The following GIT1 variants were observed in gnomAD, a reference collection of about 807,000 sequenced individuals.
GIT1 encodes the protein ARF GTPase-activating protein GIT1.
In GIT1, 14 loss-of-function variants were observed where a neutral mutation model predicts 91.7. That is an observed-to-expected ratio of 0.15 (90% CI 0.10 to 0.24). GIT1 has a LOEUF of 0.24. GIT1 is among the 10% of genes least tolerant of loss of function. The probability of loss-of-function intolerance (pLI) is 1.00; values close to 1 mark genes in which losing one functional copy is unlikely to be tolerated. For missense variants in GIT1, 717 were observed against 1,024.9 expected, an observed-to-expected ratio of 0.70 and a Z score of 4.10; for synonymous variants, 414 against 418.2, an observed-to-expected ratio of 0.99 and a Z score of 0.12.
rs746639574 is a variant in GIT1 at position 29,575,230 on chromosome 17, C to T, written c.2009+58G>A. On this transcript the variant is annotated intron_variant, in intron 18 of 19. Coordinates refer to ENST00000225394, the MANE Select transcript of GIT1 (RefSeq NM_014030.4). This position sits in a 1 kb window ranked among gnomAD's most constrained non-coding sequence, Gnocchi z 5.5. ...AACCCAGGGCCCCTCATGCTCTCTG[C>T]AACACCCTAGAAGCCAACAGGAACT... 1.8e-5 allele frequency: 29 copies of T among 1,568,156 alleles called. No individual in the cohort carries two copies. Among genetic ancestry groups the T allele is most frequent in the Non-Finnish European group, 2.2e-5 (25 of 1,150,042 alleles).
At position 29,575,886 on chromosome 17, in the gene GIT1, C is replaced by T. The variant is rs764051634; in HGVS notation, c.1678G>A (p.Val560Met). 1.9e-6 allele frequency: 3 copies of T among 1,608,678 alleles called. No homozygotes were observed. The highest frequency in any genetic ancestry group is 1.7e-6 in the Non-Finnish European group (2 of 1,177,440). The part of the protein sequence containing the change: ...PAGLYRIRKG[V>M]SASAVPFTPS... Reference sequence around the variant, plus strand: ...GTGAAGGGCACAGCTGAGGCAGACACCCCTTTCCGGATCTGAAACCCAGGG... The same window carrying T: ...GTGAAGGGCACAGCTGAGGCAGACATCCCTTTCCGGATCTGAAACCCAGGG... The change falls in exon 16 of 20, where the codon GTG (valine) becomes ATG (methionine). Residue 560 changes from valine to methionine, a missense_variant. By Grantham distance (21) the Val-to-Met change is conservative. Coordinates refer to ENST00000225394, the MANE Select transcript of GIT1 (RefSeq NM_014030.4). This position sits in a 1 kb window ranked among gnomAD's most constrained non-coding sequence, Gnocchi z 5.5.
At chr17:29,583,326 G>A (rs1378278338) in intron 2 of GIT1, among the ~76,000 whole-genome samples, 157 bp downstream of exon 2, 1 of 152,174 alleles carries the variant, frequency 6.6e-6, no homozygotes, top group Non-Finnish European at 1.5e-5. Flanking sequence ...GAGTAGATGG[G>A]AGGAAAGGGT....
intron 8 of GIT1, 100 bp downstream of exon 8, chr17:29,578,630 GA>G: frequency 1.8e-6 from 2 of 1,123,628 alleles, no homozygotes; most frequent in Non-Finnish European, 2.7e-6. Flanking sequence ...CAAAGACTTG[GA>G]AAAGGTCATC....
chr17:29,582,553 C>A, intron 4 of GIT1, 145 bp downstream of exon 4: 1 of 633,506 alleles, frequency 1.6e-6, no homozygotes, highest in Non-Finnish European at 2.8e-6. Flanking sequence ...ACCCAACAAT[C>A]TGCTCTCTCC....
chr17:29,581,897 C>G lies in GIT1; in HGVS notation c.623+30G>C. 1 of 1,606,116 alleles carries G rather than the reference C, an allele frequency of 6.2e-7. No individual in the cohort carries two copies. The highest frequency in any genetic ancestry group is 8.5e-7 in the Non-Finnish European group (1 of 1,173,994). On this transcript the variant is annotated intron_variant, in intron 5 of 19. Transcript: ENST00000225394. The surrounding 1 kb of genome is among the most constrained non-coding windows in gnomAD (Gnocchi z 4.8). The stretch of plus-strand genomic sequence containing the variant: ...CAGCCCTCACCCACACCCCCACCCA[C>G]CCACACTGCACCCTTCAGCCGACCC...
Position 29,574,846 on chromosome 17 carries a change from A to G in GIT1, c.2142T>C (p.Ser714=). ...LLNASAYRLQ[S]ECRKTVPPEP... is the part of the protein sequence containing the mutation. ...CTGGGGGCACTGTCTTCCGGCACTC[A>G]CTCTGCAGCCGGTAGGCGCTGGCGT... Residue 714 remains serine (S), a synonymous_variant, in exon 20 of 20, where the codon AGT becomes AGC. Coordinates refer to ENST00000225394, the MANE Select transcript of GIT1 (RefSeq NM_014030.4). 6.2e-7 allele frequency: 1 copy of G among 1,602,334 alleles called. No homozygotes were observed. The highest frequency in any genetic ancestry group is 8.5e-7 in the Non-Finnish European group (1 of 1,176,958).
At position 29,581,831 on chromosome 17, in the gene GIT1, G is replaced by A. The variant is rs779980624; in HGVS notation, c.629C>T (p.Ala210Val). 1.1e-5 allele frequency: 18 copies of A among 1,611,808 alleles called. No individual in the cohort carries two copies. The highest frequency in any genetic ancestry group is 2.2e-5 in the East Asian group (1 of 44,866). The change falls in exon 6 of 20, where the codon GCG (alanine) becomes GTG (valine). Residue 210 changes from alanine (A) to valine (V), a missense_variant. This residue lies in a region of GIT1 where 271 missense variants were observed against 451.6 expected (regional missense o/e 0.60). Transcript: ENST00000225394. This position sits in a 1 kb window ranked among gnomAD's most constrained non-coding sequence, Gnocchi z 4.8. ...GRTPIDYARQ[A>V]GHHELAERLV... ...CCTTTCCGCCAGCTCATGGTGCCCC[G>A]CCTGCCTGTGAGGAGGGGGTATGGC...
chr17:29,583,489 C>T lies in GIT1; in HGVS notation c.180G>A (p.Leu60=). The T allele has an allele frequency of 1.2e-6, 2 of 1,611,992 alleles. No homozygotes were observed. Among genetic ancestry groups the T allele is most frequent in the Non-Finnish European group, 1.7e-6 (2 of 1,179,870 alleles). ...HLRHSAWPPT[L]LQMVHTLASN... is the part of the protein sequence containing the mutation. ...ACCCGACTGAGCCCTGTACCTGCAG[C>T]AGCGTGGGAGGCCAGGCGCTGTGGC... Residue 60 remains leucine (L), a synonymous_variant, in exon 2 of 20, where the codon CTG becomes CTA. Transcript: ENST00000225394.
Position 29,576,558 on chromosome 17 carries a change from A to G in GIT1, c.1344T>C (p.Ser448=). 1 of 1,613,882 alleles carries G rather than the reference A, an allele frequency of 6.2e-7. No homozygotes were observed. Among genetic ancestry groups the G allele is most frequent in the Non-Finnish European group, 8.5e-7 (1 of 1,179,966 alleles). Residue 448 remains serine, a synonymous_variant, in exon 13 of 20, where the codon AGT becomes AGC. Coordinates refer to ENST00000225394, the MANE Select transcript of GIT1 (RefSeq NM_014030.4). ...GCCTCCGGAGCTCGTCGCTCAGGCT[A>G]CTGTTGACCTTCATGAGCTGCTGCA... ...AKVQQLMKVN[S]SLSDELRRLQ...
chr17:29,577,820 C>T (rs1202872396), intron 9 of GIT1, 78 bp from the exon 10 acceptor site: 2 of 866,836 alleles, frequency 2.3e-6, no homozygotes, highest in Non-Finnish European at 3.9e-6. Flanking sequence ...CTGAGCCCAG[C>T]CTTCCTAGCT....
rs1179133747 is a variant in GIT1 at position 29,589,313 on chromosome 17, C to T, written c.52+14G>A. 4 of 1,030,464 alleles carry T rather than the reference C, an allele frequency of 3.9e-6. No homozygotes were observed. Among genetic ancestry groups the T allele is most frequent in the South Asian group, 7.3e-5 (2 of 27,500 alleles). The allele number at this position is 1,030,464 out of a possible 1,614,324, so 63.8% of individuals were successfully genotyped here. A position where few individuals can be genotyped will look rare whatever the true frequency, so the allele number is the denominator to read the frequency against. ...CTGGCTGTGCGGTCCCGCCCCCGGCCCCGCCGCGCTTACCCGGGGCGCTGC... is the reference window on the plus strand; with the variant it reads ...CTGGCTGTGCGGTCCCGCCCCCGGCTCCGCCGCGCTTACCCGGGGCGCTGC... On this transcript the variant is annotated intron_variant, in intron 1 of 19. Transcript: ENST00000225394. This position sits in a 1 kb window ranked among gnomAD's most constrained non-coding sequence, Gnocchi z 5.2.
In GIT1 at chr17:29,575,254, C is replaced by A; in HGVS notation, c.2009+34G>T. Reference sequence around the variant, plus strand: ...GCAACACCCTAGAAGCCAACAGGAACTGCATCCCCCTCACCTCCCCCTCCA... The same window carrying A: ...GCAACACCCTAGAAGCCAACAGGAAATGCATCCCCCTCACCTCCCCCTCCA... On this transcript the variant is annotated intron_variant, in intron 18 of 19. Coordinates refer to ENST00000225394, the MANE Select transcript of GIT1 (RefSeq NM_014030.4). The surrounding 1 kb of genome is among the most constrained non-coding windows in gnomAD (Gnocchi z 5.5). The A allele has an allele frequency of 6.3e-7, 1 of 1,588,338 alleles. No individual in the cohort carries two copies. The highest frequency in any genetic ancestry group is 1.1e-5 in the South Asian group (1 of 88,186).
chr17:29,576,441 G>C lies in GIT1; in HGVS notation c.1390C>G (p.Leu464Val), dbSNP rs1371353324. The change falls in exon 14 of 20, where the codon CTG (leucine) becomes GTG (valine). Residue 464 changes from leucine to valine, a missense_variant. Leu to Val is a conservative substitution (Grantham distance 32). Around this residue, in one of 3 missense-constraint regions of GIT1, gnomAD observed 312 missense variants for 349.5 expected, o/e 0.89. Transcript: ENST00000225394. ...LRRLQREIHK[L>V]QAENLQLRQP... The stretch of plus-strand genomic sequence containing the variant: ...CGGAGCTGCAGGTTCTCCGCCTGCA[G>C]CTTGTGGATCTATGGGTGCAAAGTG... 6.2e-7 allele frequency: 1 copy of C among 1,612,652 alleles called. No individual in the cohort carries two copies. The highest frequency in any genetic ancestry group is 8.5e-7 in the Non-Finnish European group (1 of 1,179,470).
chr17:29,582,194 TCCC>T, intron 4 of GIT1, 50 bp from the exon 5 acceptor site: 1 of 1,369,742 alleles, frequency 7.3e-7, no homozygotes, highest in Non-Finnish European at 1.0e-6. Context: ...GAGGCGCACC[TCCC>T]CACCCACAAG....
At chr17:29,579,695 C>T (rs2033332454) in intron 7 of GIT1, among the ~76,000 whole-genome samples, 2 of 151,968 alleles carry the variant, frequency 1.3e-5, no homozygotes, top group South Asian at 2.1e-4. Flanking sequence ...CGCACTCCAG[C>T]CTGGGCAACA....
At chr17:29,578,022 G>C (rs2033273055) in intron 9 of GIT1, among the ~76,000 whole-genome samples, 1 of 152,230 alleles carries the variant, frequency 6.6e-6, no homozygotes, top group Non-Finnish European at 1.5e-5. Flanking sequence ...ATGCAGGGGG[G>C]TGGAGCGGTA....
chr17:29,581,392 T>A lies in GIT1; in HGVS notation c.719-12A>T. On this transcript the variant is annotated splice_polypyrimidine_tract_variant and intron_variant, in intron 6 of 19. Transcript: ENST00000225394. This position sits in a 1 kb window ranked among gnomAD's most constrained non-coding sequence, Gnocchi z 4.8. ...CCCATTCTTGTGATCTGAACAAAAA[T>A]AAAAATGCCAAGTCACTCACTAGTG... The A allele has an allele frequency of 1.9e-6, 3 of 1,610,042 alleles. No individual in the cohort carries two copies. Among genetic ancestry groups the A allele is most frequent in the Non-Finnish European group, 8.5e-7 (1 of 1,176,708 alleles).
chr17:29,575,983 C>T lies in GIT1; in HGVS notation c.1666-85G>A, dbSNP rs926993964. Reference sequence around the variant, plus strand: ...GCAGTGCAGCAGGGACCAGGTCAGTCTAATCATCTTAAGCCCCGAATTCAG... The same window carrying T: ...GCAGTGCAGCAGGGACCAGGTCAGTTTAATCATCTTAAGCCCCGAATTCAG... On this transcript the variant is annotated intron_variant, in intron 15 of 19. Transcript: ENST00000225394. This position sits in a 1 kb window ranked among gnomAD's most constrained non-coding sequence, Gnocchi z 5.5. The T allele has an allele frequency of 1.6e-5, 25 of 1,541,742 alleles. No individual in the cohort carries two copies. The highest frequency in any genetic ancestry group is 2.1e-5 in the Non-Finnish European group (24 of 1,116,296).
Position 29,582,791 on chromosome 17 carries a change from T to C in GIT1, c.312A>G (p.Ser104=), listed in dbSNP as rs780307598. Residue 104 remains serine, a synonymous_variant, in exon 4 of 20, where the codon TCA becomes TCG. Coordinates refer to ENST00000225394, the MANE Select transcript of GIT1 (RefSeq NM_014030.4). ...TCTGGTACTTGGCCCTGATGAACTC[T>C]GACTTGATGGGGCTGCATGGGGCAC... ...NPQDKVHPIK[S]EFIRAKYQML... is the part of the protein sequence containing the mutation. 1 of 1,613,232 alleles carries C rather than the reference T, an allele frequency of 6.2e-7. No homozygotes were observed. Among genetic ancestry groups the C allele is most frequent in the Admixed American group, 1.7e-5 (1 of 60,012 alleles).
Sources: gnomAD v4.1 joint callset for allele counts (sites outside exome capture counted in the v4.1 genomes callset) on GRCh38, gnomAD v4.1.1 for gene constraint, gnomAD v4.1.1 regional missense constraint, Gnocchi (gnomAD v3.1) non-coding constraint, MANE v1.5 for transcripts, NCBI Gene and HGNC (gene_info 2026-07-23, HGNC 2026-07-21) for gene names.